FAF1: variants seen among roughly 807,000 people sequenced by gnomAD.
The protein encoded by FAF1 is FAS-associated factor 1.
A neutral mutation model predicts 92.5 loss-of-function variants in FAF1; 25 were observed. That is an observed-to-expected ratio of 0.27 (90% CI 0.20 to 0.38). FAF1 has a LOEUF of 0.38. Among genes scored for constraint, FAF1 ranks in the 10% least tolerant of loss-of-function variants. FAF1 has a pLI of 1.00. For synonymous variants in FAF1, 234 were observed against 273.2 expected (o/e 0.86, Z 1.42); for missense variants, 636 against 793.3 (o/e 0.80, Z 2.38).
At chr1:50,521,529 T>C (rs530340752) in intron 15 of FAF1, among the ~76,000 whole-genome samples, 2 of 152,308 alleles carry the variant, frequency 1.3e-5, no homozygotes, top group South Asian at 2.1e-4. Flanking sequence ...CAATTTTTAT[T>C]TGGAAAATAC....
intron 1 of FAF1, among the ~76,000 whole-genome samples, chr1:50,888,682 G>A (rs1407556978): frequency 1.3e-5 from 2 of 152,190 alleles, no homozygotes; most frequent in Non-Finnish European, 2.9e-5. Context: ...ATTTGCGTAT[G>A]TCGAACGAGC....
chr1:50,613,794 A>AC (rs1037775467), intron 8 of FAF1, among the ~76,000 whole-genome samples: 116 of 152,072 alleles, frequency 7.6e-4, no homozygotes, highest in Admixed American at 1.2e-3. Context: ...TTATATTAAA[A>AC]AAACAAACAA....
chr1:50,443,757 G>GAGTA (rs111330377), intron 18 of FAF1, among the ~76,000 whole-genome samples: 156 of 152,310 alleles, frequency 1.0e-3, no homozygotes, highest in African/African-American at 3.5e-3. Flanking sequence ...CTGAGCCAAT[G>GAGTA]AGTACTCAGT....
At chr1:50,469,588 G>C (rs1646544647) in intron 18 of FAF1, 1 of 152,092 alleles carries the variant, frequency 6.6e-6, no homozygotes. Context: ...GAACCCACTG[G>C]AGGCTTTTAA....
At chr1:50,457,998 G>C (rs932514867) in intron 18 of FAF1, among the ~76,000 whole-genome samples, 10 of 151,920 alleles carry the variant, frequency 6.6e-5, no homozygotes, top group African/African-American at 2.4e-4. Context: ...TGGATCATCT[G>C]AGGTCGGGAG....
At chr1:50,624,306 C>T (rs530921180) in intron 8 of FAF1, among the ~76,000 whole-genome samples, 1 of 152,266 alleles carries the variant, frequency 6.6e-6, no homozygotes, top group South Asian at 2.1e-4. Flanking sequence ...AGCCACCACG[C>T]CCAGCTAATT....
intron 6 of FAF1, among the ~76,000 whole-genome samples, chr1:50,735,554 A>G (rs924143534): frequency 6.6e-6 from 1 of 152,172 alleles, no homozygotes; most frequent in Non-Finnish European, 1.5e-5. Flanking sequence ...AGACTCAATT[A>G]CCAGGCACCC....
At chr1:50,666,565 TA>T (rs1655642928) in intron 7 of FAF1, among the ~76,000 whole-genome samples, 1 of 152,128 alleles carries the variant, frequency 6.6e-6, no homozygotes, top group African/African-American at 2.4e-5. Context: ...CATTTGCACT[TA>T]ATTCTAAACA....
intron 8 of FAF1, among the ~76,000 whole-genome samples, chr1:50,646,676 T>C (rs1428741463): frequency 3.3e-5 from 5 of 152,226 alleles, no homozygotes; most frequent in African/African-American, 7.2e-5. Flanking sequence ...CCCTCTTCTA[T>C]GATCCCATTG....
chr1:50,536,302 T>G (rs1648477788), intron 14 of FAF1, among the ~76,000 whole-genome samples: 1 of 152,150 alleles, frequency 6.6e-6, no homozygotes, highest in African/African-American at 2.4e-5. Context: ...GTTATTTGCT[T>G]GGGATGTACC....
chr1:50,843,410 C>T (rs570239989), intron 2 of FAF1, among the ~76,000 whole-genome samples: 1 of 152,220 alleles, frequency 6.6e-6, no homozygotes, highest in East Asian at 1.9e-4. Flanking sequence ...CACTCCAAAT[C>T]TAGCTATTTA....
At chr1:50,819,684 T>TATATATACATATATATATAC (rs1644015572) in intron 2 of FAF1, among the ~76,000 whole-genome samples, 1 of 73,896 alleles carries the variant, frequency 1.4e-5, no homozygotes, top group Admixed American at 1.8e-4. Flanking sequence ...TCTCTGTATA[T>TATATATACATATATATATAC]ATATATACAT....
At chr1:50,608,487 C>T (rs1223007120) in intron 8 of FAF1, among the ~76,000 whole-genome samples, 7 of 152,162 alleles carry the variant, frequency 4.6e-5, no homozygotes. Flanking sequence ...CAGGCCATAA[C>T]CATGTATGAC....
At chr1:50,637,752 T>C (rs1055586082) in intron 8 of FAF1, among the ~76,000 whole-genome samples, 65 of 151,560 alleles carry the variant, frequency 4.3e-4, no homozygotes, top group Non-Finnish European at 1.9e-4. Flanking sequence ...CACATATATA[T>C]ATAGTAATGA....
At position 50,926,985 on chromosome 1, in the gene FAF1, T is replaced by A. The variant is rs184810310; in HGVS notation, c.45+32782A>T. Reference sequence around the variant, plus strand: ...TAAAACGGATGTAACTTAAAAATACTATGTTAAGTGAAACAAGCCAGACAT... The same window carrying A: ...TAAAACGGATGTAACTTAAAAATACAATGTTAAGTGAAACAAGCCAGACAT... On this transcript the variant is annotated intron_variant, in intron 1 of 18. Transcript: ENST00000396153. Among the ~76,000 whole-genome samples the A allele has an allele frequency of 1.8e-4, 27 of 152,348 alleles. No individual in the cohort carries two copies. In the East Asian group the frequency reaches 5.0e-3, roughly 28 times the overall value.
At chr1:50,626,850 T>G (rs1161683533) in intron 8 of FAF1, among the ~76,000 whole-genome samples, 1 of 151,964 alleles carries the variant, frequency 6.6e-6, no homozygotes, top group East Asian at 1.9e-4. Flanking sequence ...GTAGTGGCAG[T>G]GGAAATAGAA....
At chr1:50,672,439 A>C (rs531481262) in intron 7 of FAF1, among the ~76,000 whole-genome samples, 16 of 152,000 alleles carry the variant, frequency 1.1e-4, no homozygotes, top group African/African-American at 3.9e-4. Context: ...TCACCCAGCT[A>C]ATTTTTGTAT....
chr1:50,614,944 G>C (rs374087774), intron 8 of FAF1, among the ~76,000 whole-genome samples: 1 of 151,642 alleles, frequency 6.6e-6, no homozygotes, highest in African/African-American at 2.4e-5. Flanking sequence ...TTTTATGTTA[G>C]ACACAGGGAG....
intron 18 of FAF1, among the ~76,000 whole-genome samples, chr1:50,458,357 A>G (rs1646382268): frequency 6.6e-6 from 1 of 152,238 alleles, no homozygotes; most frequent in African/African-American, 2.4e-5. Flanking sequence ...TTACTGGACA[A>G]TATTGAGAAA....
Sources: gnomAD v4.1 joint callset for allele counts (sites outside exome capture counted in the v4.1 genomes callset) on GRCh38, gnomAD v4.1.1 for gene constraint, MANE v1.5 for transcripts, NCBI Gene and HGNC (gene_info 2026-07-23, HGNC 2026-07-21) for gene names.